The following NAV2 variants were observed in gnomAD, a reference collection of about 807,000 sequenced individuals.
NAV2 encodes helicase, APC down-regulated 1.
Under a neutral mutation model 223.2 loss-of-function variants are expected in NAV2, and 54 were observed. The observed-to-expected ratio is 0.24, with a 90% CI of 0.19 to 0.30. The LOEUF (loss-of-function observed/expected upper bound fraction) is 0.30. Among genes scored for constraint, NAV2 ranks in the 10% least tolerant of loss-of-function variants. The pLI, the probability that NAV2 is intolerant of heterozygous loss-of-function variation, is 1.00. For missense variants in NAV2, 2,806 were observed against 3,147.5 expected (o/e 0.89, Z 2.60); for synonymous variants, 1,279 against 1,239.3 (o/e 1.03, Z -0.67).
intron 1 of NAV2, among the ~76,000 whole-genome samples, chr11:19,365,664 GT>G (rs764384207): frequency 1.5e-4 from 23 of 152,184 alleles, no homozygotes; most frequent in Non-Finnish European, 3.1e-4. Context: ...TGGAGATTGA[GT>G]CTCAGATTTG....
chr11:19,807,469 C>T (rs971877280), intron 1 of NAV2, among the ~76,000 whole-genome samples: 1 of 152,202 alleles, frequency 6.6e-6, no homozygotes, highest in African/African-American at 2.4e-5. Context: ...TTTTAGAACC[C>T]AAAATGCACC....
intron 3 of NAV2, among the ~76,000 whole-genome samples, chr11:19,844,565 A>G (rs575820200): frequency 6.6e-6 from 1 of 152,178 alleles, no homozygotes; most frequent in Non-Finnish European, 1.5e-5. Context: ...TTCACTGAGC[A>G]CTTCCCTTGA....
At chr11:20,115,050 A>G (rs189364939) in intron 37 of NAV2, among the ~76,000 whole-genome samples, 57 of 152,248 alleles carry the variant, frequency 3.7e-4, no homozygotes, top group Non-Finnish European at 6.0e-4. Flanking sequence ...AAATGTTCTT[A>G]TACCTACTGT....
chr11:19,394,960 A>G (rs1393070044), intron 1 of NAV2, among the ~76,000 whole-genome samples: 1 of 152,234 alleles, frequency 6.6e-6, no homozygotes, highest in African/African-American at 2.4e-5. Context: ...CCCAAAATGC[A>G]GGAAGTCACT....
intron 4 of NAV2, among the ~76,000 whole-genome samples, chr11:19,876,713 G>A (rs984798292): frequency 8.6e-5 from 13 of 151,982 alleles, no homozygotes; most frequent in Non-Finnish European, 1.8e-4. Flanking sequence ...TATGGAGGGA[G>A]CTGATGTGAA....
intron 1 of NAV2, among the ~76,000 whole-genome samples, chr11:19,426,684 C>A (rs1850841334): frequency 7.2e-6 from 1 of 139,044 alleles, no homozygotes; most frequent in South Asian, 2.6e-4. Flanking sequence ...TTAGAGTAAA[C>A]AGTCCCATCA....
At chr11:20,051,189 C>A (rs1384426007) in intron 16 of NAV2, 100 bp from the exon 17 acceptor site, 1 of 939,730 alleles carries the variant, frequency 1.1e-6, no homozygotes, top group South Asian at 1.3e-5. Context: ...TGATGTGCAC[C>A]TCTTTCTCCA....
At position 19,426,257 on chromosome 11, in the gene NAV2, A is replaced by G. The variant is rs192216512; in HGVS notation, c.75+75230A>G. On this transcript the variant is annotated intron_variant, in intron 1 of 37. Transcript: ENST00000360655. Reference sequence around the variant, plus strand: ...GATGTAAAGTGTTGTTTCTTCCCCAAAGAAGGGGTCAGATGGGTCCCAGGG... The same window carrying G: ...GATGTAAAGTGTTGTTTCTTCCCCAGAGAAGGGGTCAGATGGGTCCCAGGG... 4.1e-4 allele frequency among the ~76,000 whole-genome samples: 63 copies of G among 152,194 alleles called. 1 individual carries two copies. In the East Asian group the frequency reaches 8.1e-3, roughly 20 times the overall value.
chr11:19,658,446 A>G (rs1408843470), intron 1 of NAV2, among the ~76,000 whole-genome samples: 2 of 152,202 alleles, frequency 1.3e-5, no homozygotes, highest in Non-Finnish European at 2.9e-5. Flanking sequence ...GCTGGAAGGC[A>G]GGGGAACTAA....
At chr11:19,597,935 G>A (rs1169275163) in intron 1 of NAV2, among the ~76,000 whole-genome samples, 1 of 152,244 alleles carries the variant, frequency 6.6e-6, no homozygotes, top group African/African-American at 2.4e-5. Context: ...CAGGGATGGG[G>A]CCCTGCTCTC....
chr11:19,986,070 A>G (rs1192344416), intron 11 of NAV2, among the ~76,000 whole-genome samples: 2 of 152,210 alleles, frequency 1.3e-5, no homozygotes, highest in Non-Finnish European at 2.9e-5. Context: ...AGTCCTTACA[A>G]GATACAGTTT....
intron 26 of NAV2, among the ~76,000 whole-genome samples, chr11:20,084,238 C>T (rs929520381): frequency 2.6e-5 from 4 of 152,218 alleles, no homozygotes; most frequent in African/African-American, 9.6e-5. Flanking sequence ...GCTGGGACTA[C>T]AGGCGCATGC....
intron 1 of NAV2, among the ~76,000 whole-genome samples, chr11:19,558,394 A>G (rs1241720812): frequency 1.3e-5 from 2 of 152,202 alleles, no homozygotes; most frequent in Non-Finnish European, 2.9e-5. Context: ...CTCTCTCTCC[A>G]GCACGAGAGT....
At chr11:19,632,565 G>A (rs2047376589) in intron 1 of NAV2, among the ~76,000 whole-genome samples, 1 of 152,116 alleles carries the variant, frequency 6.6e-6, no homozygotes, top group Non-Finnish European at 1.5e-5. Context: ...GCCTGCTGTT[G>A]CCTGTTTTGT....
chr11:19,379,947 T>A (rs1848779066), intron 1 of NAV2, among the ~76,000 whole-genome samples: 1 of 152,030 alleles, frequency 6.6e-6, no homozygotes, highest in Non-Finnish European at 1.5e-5. Context: ...ACATCTTGGT[T>A]AGCTTTAGTA....
intron 1 of NAV2, among the ~76,000 whole-genome samples, chr11:19,824,571 A>T (rs758998270): frequency 6.6e-6 from 1 of 152,158 alleles, no homozygotes; most frequent in Non-Finnish European, 1.5e-5. Context: ...GGCTGGGGAC[A>T]CCATTTCACC....
At chr11:19,425,339 A>G (rs145908202) in intron 1 of NAV2, among the ~76,000 whole-genome samples, 1 of 152,072 alleles carries the variant, frequency 6.6e-6, no homozygotes, top group Non-Finnish European at 1.5e-5. Flanking sequence ...TCCAAGGACA[A>G]TGACAAACAT....
At chr11:19,597,460 G>A (rs916674247) in intron 1 of NAV2, among the ~76,000 whole-genome samples, 1 of 152,162 alleles carries the variant, frequency 6.6e-6, no homozygotes, top group Non-Finnish European at 1.5e-5. Context: ...GACTTCCCTG[G>A]GGCAGAAATC....
chr11:20,017,233 T>C (rs566202231), intron 11 of NAV2, among the ~76,000 whole-genome samples: 20 of 152,302 alleles, frequency 1.3e-4, no homozygotes, highest in African/African-American at 4.8e-4. Context: ...TAGTCTTTCT[T>C]TTCCACTAAT....
Sources: gnomAD v4.1 joint callset for allele counts (sites outside exome capture counted in the v4.1 genomes callset) on GRCh38, gnomAD v4.1.1 for gene constraint, MANE v1.5 for transcripts, NCBI Gene and HGNC (gene_info 2026-07-23, HGNC 2026-07-21) for gene names.